The following SEMA3C variants were observed in gnomAD, a reference collection of about 807,000 sequenced individuals.
The protein encoded by SEMA3C is semaphorin 3C.
In SEMA3C, 47 loss-of-function variants were observed where a neutral mutation model predicts 89.4. The ratio of observed to expected loss-of-function variants is 0.53; its 90% confidence interval spans 0.42 to 0.67. The LOEUF is 0.67. SEMA3C is among the 30% of genes least tolerant of loss of function. The pLI is 0.00. For synonymous variants in SEMA3C, 310 were observed against 320.2 expected (o/e 0.97, Z 0.34); for missense variants, 839 against 929.1 (o/e 0.90, Z 1.26).
intron 9 of SEMA3C, 42 bp downstream of exon 9, chr7:80,802,623 A>T: frequency 7.5e-7 from 1 of 1,340,064 alleles, no homozygotes; most frequent in African/African-American, 1.4e-5. Flanking sequence ...AAACTTTACA[A>T]GCCTTCTTTC....
chr7:80,805,553 A>G, intron 7 of SEMA3C, 86 bp downstream of exon 7: 1 of 1,190,052 alleles, frequency 8.4e-7, no homozygotes, highest in Non-Finnish European at 1.2e-6. Flanking sequence ...TTTAGTTTTT[A>G]ACCATTTTCC....
rs761990267 is a variant in SEMA3C, at chr7:80,815,554, C to CAAAAA, written c.447+2740_447+2744dup. Among the ~76,000 whole-genome samples, 27 of 58,842 alleles carry CAAAAA rather than the reference C, an allele frequency of 4.6e-4. 1 individual carries two copies. Among genetic ancestry groups the CAAAAA allele is most frequent in the East Asian group, 1.5e-3 (2 of 1,360 alleles). The allele number at this position is 58,842 out of a possible 152,430, so 38.6% of individuals were successfully genotyped here. A position where few individuals can be genotyped will look rare whatever the true frequency, so the allele number is the denominator to read the frequency against. On this transcript the variant is annotated intron_variant, in intron 5 of 17. Transcript: ENST00000265361. ...AAACCCAATCCTTTCTTTAAATGGG[C>CAAAAA]AAAAAAAAAAAAAAAAAAAGTAAAT...
chr7:80,806,800 C>G (rs1049734560), intron 6 of SEMA3C, among the ~76,000 whole-genome samples: 13 of 152,098 alleles, frequency 8.5e-5, no homozygotes, highest in Non-Finnish European at 1.6e-4. Flanking sequence ...GGATTACTCC[C>G]TGGGCTACCT....
chr7:80,901,668 T>TA (rs1270809786), intron 2 of SEMA3C, among the ~76,000 whole-genome samples: 37 of 152,234 alleles, frequency 2.4e-4, no homozygotes, highest in African/African-American at 8.4e-4. Flanking sequence ...ACTACAATTT[T>TA]AAAAATACAC....
In SEMA3C at chr7:80,751,849, A is replaced by G. The variant is rs1787943707; in HGVS notation, c.1644-513T>C. Among the ~76,000 whole-genome samples the G allele has an allele frequency of 2.0e-5, 3 of 152,226 alleles. No individual in the cohort carries two copies. In the South Asian group the frequency reaches 6.2e-4, roughly 31 times the overall value. On this transcript the variant is annotated intron_variant, in intron 15 of 17. Transcript: ENST00000265361. ...GATAAAAATAGGGACATTTAATAAAAAGTTAATTTCATTTACTAGAATAAG... is the reference window on the plus strand; with the variant it reads ...GATAAAAATAGGGACATTTAATAAAGAGTTAATTTCATTTACTAGAATAAG...
intron 2 of SEMA3C, among the ~76,000 whole-genome samples, chr7:80,874,944 T>C (rs1791165377): frequency 6.6e-6 from 1 of 151,756 alleles, no homozygotes; most frequent in South Asian, 2.1e-4. Flanking sequence ...AGCTGCCAGG[T>C]GTGGTGGCAG....
chr7:80,861,814 T>A (rs983237896), intron 2 of SEMA3C, among the ~76,000 whole-genome samples: 1 of 152,084 alleles, frequency 6.6e-6, no homozygotes, highest in Non-Finnish European at 1.5e-5. Flanking sequence ...ATGTGATACA[T>A]CACATAAACA....
Position 80,743,489 on chromosome 7 carries a change from G to GTACAATATC in SEMA3C, c.*1396_*1404dup, listed in dbSNP as rs983682551. 19 of 151,616 alleles carry GTACAATATC rather than the reference G, an allele frequency of 1.3e-4. No homozygotes were observed. Among genetic ancestry groups the GTACAATATC allele is most frequent in the Non-Finnish European group, 2.2e-4 (15 of 67,758 alleles). 9.4% of individuals were successfully genotyped at this position (151,616 alleles called of 1,614,324 possible). A position where few individuals can be genotyped will look rare whatever the true frequency, so the allele number is the denominator to read the frequency against. On this transcript the variant is annotated 3_prime_UTR_variant, in exon 18 of 18. Coordinates refer to ENST00000265361, the MANE Select transcript of SEMA3C (RefSeq NM_006379.5). ...ATATGATATTTGGATTAGGTACATG[G>GTACAATATC]TACAATATCTGTTTTTACCTGGAAG...
chr7:80,838,969 A>G (rs11766836), intron 2 of SEMA3C, among the ~76,000 whole-genome samples: 24,238 of 152,022 alleles, frequency 0.16, 2,467 homozygotes, highest in Non-Finnish European at 0.22. Flanking sequence ...TAATTCAATT[A>G]AATAGAGAAT....
Position 80,919,011 on chromosome 7 carries a change from C to T in SEMA3C, c.-222G>A. The T allele has an allele frequency of 2.0e-6, 2 of 985,350 alleles. No individual in the cohort carries two copies. Among genetic ancestry groups the T allele is most frequent in the Non-Finnish European group, 2.4e-6 (2 of 829,904 alleles). The allele number at this position is 985,350 out of a possible 1,614,324, so 61.0% of individuals were successfully genotyped here. ...CTCAGCGCTGCAGTGCCGCGGCACC[C>T]GGAGCTCTTCTCCGCGTCGCTCAAT... On this transcript the variant is annotated 5_prime_UTR_variant, in exon 1 of 18. Transcript: ENST00000265361.
intron 2 of SEMA3C, among the ~76,000 whole-genome samples, chr7:80,836,975 T>C (rs2115856808): frequency 6.6e-6 from 1 of 152,276 alleles, no homozygotes; most frequent in East Asian, 1.9e-4. Flanking sequence ...TTCTATTAGT[T>C]TTAGTAAAAA....
intron 12 of SEMA3C, among the ~76,000 whole-genome samples, chr7:80,788,440 G>C (rs1199972375): frequency 2.0e-5 from 3 of 152,128 alleles, no homozygotes; most frequent in Non-Finnish European, 4.4e-5. Context: ...ATTACTTAGA[G>C]GGCTTGCGAA....
intron 2 of SEMA3C, among the ~76,000 whole-genome samples, chr7:80,839,479 G>A (rs574259492): frequency 6.6e-6 from 1 of 152,102 alleles, no homozygotes; most frequent in Non-Finnish European, 1.5e-5. Context: ...CTGGAGCTCA[G>A]GGTAAATAAG....
intron 2 of SEMA3C, among the ~76,000 whole-genome samples, chr7:80,856,043 C>T (rs904103879): frequency 2.0e-5 from 3 of 152,004 alleles, no homozygotes; most frequent in East Asian, 1.9e-4. Context: ...GAGATAACAT[C>T]GTTTTTAATA....
At chr7:80,830,938 G>A (rs999193228) in intron 2 of SEMA3C, among the ~76,000 whole-genome samples, 41 of 152,214 alleles carry the variant, frequency 2.7e-4, no homozygotes, top group African/African-American at 9.2e-4. Context: ...GAACATGGGA[G>A]AGAATATAGA....
intron 12 of SEMA3C, among the ~76,000 whole-genome samples, chr7:80,772,710 G>T (rs2366885): frequency 0.19 from 28,223 of 145,282 alleles, 2,788 homozygotes; most frequent in South Asian, 0.24. Context: ...TTTTTTTTTT[G>T]TTTGTTTTAT....
intron 12 of SEMA3C, among the ~76,000 whole-genome samples, chr7:80,768,330 A>G (rs1207457564): frequency 1.3e-5 from 2 of 151,924 alleles, no homozygotes; most frequent in South Asian, 2.1e-4. Flanking sequence ...TGGCTAACAC[A>G]GTGAAACCCC....
chr7:80,761,230 T>G (rs1390228428), intron 14 of SEMA3C, among the ~76,000 whole-genome samples: 4 of 152,186 alleles, frequency 2.6e-5, no homozygotes, highest in Admixed American at 2.0e-4. Context: ...TCAGGATTGA[T>G]TACTCATTCC....
intron 11 of SEMA3C, among the ~76,000 whole-genome samples, chr7:80,794,811 T>C (rs1328884042): frequency 6.6e-6 from 1 of 152,190 alleles, no homozygotes; most frequent in Admixed American, 6.5e-5. Context: ...CTTTGCAACA[T>C]ACCAAAAGTG....
Sources: gnomAD v4.1 joint callset for allele counts (sites outside exome capture counted in the v4.1 genomes callset) on GRCh38, gnomAD v4.1.1 for gene constraint, MANE v1.5 for transcripts, NCBI Gene and HGNC (gene_info 2026-07-23, HGNC 2026-07-21) for gene names.